IQCH: variants seen among roughly 807,000 people sequenced by gnomAD.
IQCH encodes IQ motif containing H.
In IQCH, 98 loss-of-function variants were observed where a neutral mutation model predicts 117.0. The ratio of observed to expected loss-of-function variants is 0.84; its 90% CI spans 0.71 to 0.99. The LOEUF is 0.99. Ranked by LOEUF, IQCH falls within the 50% of genes least tolerant of loss-of-function variation. The pLI is 0.00. For synonymous variants in IQCH, 412 were observed against 448.2 expected, an observed-to-expected ratio of 0.92 and a Z score of 1.02; for missense variants, 1,102 against 1,243.8, an observed-to-expected ratio of 0.89 and a Z score of 1.72.
chr15:67,279,253 G>A, intron 3 of IQCH, 142 bp from the exon 4 acceptor site: 2 of 567,538 alleles, frequency 3.5e-6, no homozygotes, highest in South Asian at 4.5e-5. Flanking sequence ...AAATAATAAA[G>A]ATTGGTTTAA....
intron 16 of IQCH, among the ~76,000 whole-genome samples, chr15:67,440,263 A>T (rs2082238414): frequency 6.6e-6 from 1 of 152,258 alleles, no homozygotes; most frequent in Non-Finnish European, 1.5e-5. Flanking sequence ...GACCAGACGT[A>T]TTCACAGCAG....
At chr15:67,434,871 G>A (rs2082098820) in intron 16 of IQCH, among the ~76,000 whole-genome samples, 1 of 149,476 alleles carries the variant, frequency 6.7e-6, no homozygotes, top group Non-Finnish European at 1.5e-5. Context: ...TCTGCCTCTA[G>A]GGTTTAGCGA....
chr15:67,322,052 G>A (rs551219148), intron 4 of IQCH, among the ~76,000 whole-genome samples: 32 of 152,124 alleles, frequency 2.1e-4, no homozygotes, highest in African/African-American at 7.2e-4. Flanking sequence ...CTGAGAAGAG[G>A]CTTTTAAAAT....
rs894298509 is a variant in IQCH at position 67,445,597 on chromosome 15, C to G, written c.2506-19530C>G. ...GGGGTTGCAGGTGTGTGCCACCACACCAGGCTAATTTTTATATTTTTAGTA... is the reference window on the plus strand; with the variant it reads ...GGGGTTGCAGGTGTGTGCCACCACAGCAGGCTAATTTTTATATTTTTAGTA... On this transcript the variant is annotated intron_variant, in intron 16 of 20. Coordinates refer to ENST00000335894, the MANE Select transcript of IQCH (RefSeq NM_001031715.3). This position sits in a 1 kb window ranked among gnomAD's most constrained non-coding sequence, Gnocchi z 4.3. Among the ~76,000 whole-genome samples the G allele has an allele frequency of 6.6e-6, 1 of 152,096 alleles. No individual in the cohort carries two copies. Among genetic ancestry groups the G allele is most frequent in the Non-Finnish European group, 1.5e-5 (1 of 68,022 alleles).
intron 16 of IQCH, among the ~76,000 whole-genome samples, chr15:67,452,525 T>G (rs919522143): frequency 6.6e-6 from 1 of 152,254 alleles, no homozygotes; most frequent in African/African-American, 2.4e-5. Flanking sequence ...TTGAAAATTC[T>G]TTTCTTTAAG....
At chr15:67,343,213 A>G (rs549710543) in intron 5 of IQCH, among the ~76,000 whole-genome samples, 7 of 152,298 alleles carry the variant, frequency 4.6e-5, no homozygotes, top group African/African-American at 1.7e-4. Flanking sequence ...CACAGTTTGT[A>G]TTCTAGGATT....
rs1660106212 is a variant in IQCH at position 67,407,260 on chromosome 15, A to G, written c.2097+6955A>G. The G allele has an allele frequency of 6.6e-6, 1 of 152,254 alleles. No individual in the cohort carries two copies. Among genetic ancestry groups the G allele is most frequent in the Non-Finnish European group, 1.5e-5 (1 of 68,048 alleles). The allele number at this position is 152,254 out of a possible 1,614,324, so 9.4% of individuals were successfully genotyped here. ...GTTGAATAAAGAGGCTTGACAAAGT[A>G]GAGATTATTCTGACCGGAAGATTGC... On this transcript the variant is annotated intron_variant, in intron 14 of 20. Transcript: ENST00000335894. The surrounding 1 kb of genome is among the most constrained non-coding windows in gnomAD (Gnocchi z 5.3).
chr15:67,287,204 A>G (rs1452057610), intron 4 of IQCH, among the ~76,000 whole-genome samples: 1 of 152,174 alleles, frequency 6.6e-6, no homozygotes, highest in African/African-American at 2.4e-5. Flanking sequence ...ATTAATATTC[A>G]TCAGGGATAT....
Position 67,445,629 on chromosome 15 carries a change from G to C in IQCH, c.2506-19498G>C, listed in dbSNP as rs182087985. On this transcript the variant is annotated intron_variant, in intron 16 of 20. Coordinates refer to ENST00000335894, the MANE Select transcript of IQCH (RefSeq NM_001031715.3). This position sits in a 1 kb window ranked among gnomAD's most constrained non-coding sequence, Gnocchi z 4.3. Reference sequence around the variant, plus strand: ...AATTTTTATATTTTTAGTAGAGACAGGGTTTCACCATGTTGGCCAGGCTGG... The same window carrying C: ...AATTTTTATATTTTTAGTAGAGACACGGTTTCACCATGTTGGCCAGGCTGG... Among the ~76,000 whole-genome samples the C allele has an allele frequency of 2.0e-5, 3 of 152,260 alleles. No homozygotes were observed. Among genetic ancestry groups the C allele is most frequent in the Admixed American group, 2.0e-4 (3 of 15,290 alleles).
chr15:67,316,036 C>T lies in IQCH; in HGVS notation c.388-20939C>T, dbSNP rs868756600. 2.6e-5 allele frequency among the ~76,000 whole-genome samples: 4 copies of T among 152,218 alleles called. No homozygotes were observed. In the South Asian group the frequency reaches 8.3e-4, roughly 32 times the overall value. On this transcript the variant is annotated intron_variant, in intron 4 of 20. Coordinates refer to ENST00000335894, the MANE Select transcript of IQCH (RefSeq NM_001031715.3). The stretch of plus-strand genomic sequence containing the variant: ...TTTTAGAGAAAAATAATTCTCCTTT[C>T]TCCTTGTGTAGCTGGTGAGAGGCCC...
rs996951793 is a variant in IQCH, at chr15:67,417,064, G to A, written c.2218+13G>A. ...TTTCTCAGTCAAGGTAAATAAGACT[G>A]TAAAGTTTCTATTGAGGATTAGTCT... On this transcript the variant is annotated intron_variant, in intron 15 of 20. Transcript: ENST00000335894. This position sits in a 1 kb window ranked among gnomAD's most constrained non-coding sequence, Gnocchi z 4.3. The A allele has an allele frequency of 1.3e-6, 2 of 1,592,252 alleles. No individual in the cohort carries two copies. Among genetic ancestry groups the A allele is most frequent in the Non-Finnish European group, 1.7e-6 (2 of 1,171,118 alleles).
chr15:67,440,035 A>G (rs2082230250), intron 16 of IQCH, among the ~76,000 whole-genome samples: 1 of 152,194 alleles, frequency 6.6e-6, no homozygotes, highest in Admixed American at 6.5e-5. Context: ...GAAACAGGAG[A>G]TATTACAACT....
intron 4 of IQCH, among the ~76,000 whole-genome samples, chr15:67,303,611 G>C (rs1437408945): frequency 2.0e-5 from 3 of 151,992 alleles, no homozygotes; most frequent in Non-Finnish European, 2.9e-5. Context: ...CTTCCATAGA[G>C]GTGAAGTGAC....
chr15:67,315,225 A>G (rs1271341211), intron 4 of IQCH, among the ~76,000 whole-genome samples: 3 of 152,164 alleles, frequency 2.0e-5, no homozygotes, highest in Admixed American at 2.0e-4. Context: ...TCCTTATTAG[A>G]AAGCTACACA....
chr15:67,416,943 G>C lies in IQCH; in HGVS notation c.2110G>C (p.Val704Leu). 1.3e-6 allele frequency: 2 copies of C among 1,598,778 alleles called. No individual in the cohort carries two copies. Among genetic ancestry groups the C allele is most frequent in the South Asian group, 2.3e-5 (2 of 88,016 alleles). ...RKKWAQEPALVKISEELAGIL... is the reference protein window; with the variant it reads ...RKKWAQEPALLKISEELAGIL... ...TTTGTTTCTGCAGGAGCCAGCTTTG[G>C]TGAAGATCTCTGAGGAGCTGGCGGG... Residue 704 changes from valine to leucine, a missense_variant, in exon 15 of 21, where the codon GTG becomes CTG. Coordinates refer to ENST00000335894, the MANE Select transcript of IQCH (RefSeq NM_001031715.3). This position sits in a 1 kb window ranked among gnomAD's most constrained non-coding sequence, Gnocchi z 5.1.
At position 67,494,216 on chromosome 15, in the gene IQCH, G is replaced by T. The variant is rs1300290050; in HGVS notation, c.2862-42G>T. 3 of 1,424,468 alleles carry T rather than the reference G, an allele frequency of 2.1e-6. No individual in the cohort carries two copies. In the Admixed American group the frequency reaches 6.1e-5, roughly 29 times the overall value. The allele number at this position is 1,424,468 out of a possible 1,614,324, so 88.2% of individuals were successfully genotyped here. On this transcript the variant is annotated intron_variant, in intron 19 of 20. Coordinates refer to ENST00000335894, the MANE Select transcript of IQCH (RefSeq NM_001031715.3). This position sits in a 1 kb window ranked among gnomAD's most constrained non-coding sequence, Gnocchi z 5.5. ...GGGCGATTGTTTTTAAGCATGTGAA[G>T]GGAATCGTTGGTAAACTCATTTGTT... is the stretch of plus-strand genomic sequence containing the variant.
At chr15:67,281,845 A>G in intron 4 of IQCH, 1 of 445,118 alleles carries the variant, frequency 2.2e-6, no homozygotes, top group Non-Finnish European at 4.5e-6. Context: ...GATAAACAAA[A>G]CCACCACAGT....
intron 16 of IQCH, among the ~76,000 whole-genome samples, chr15:67,464,573 G>T (rs1050775965): frequency 3.9e-5 from 6 of 152,192 alleles, no homozygotes; most frequent in Non-Finnish European, 5.9e-5. Context: ...GGTAAAATAA[G>T]ATTACCCTTC....
At position 67,385,045 on chromosome 15, in the gene IQCH, G is replaced by T; in HGVS notation, c.1456+26G>T. 2 of 1,371,536 alleles carry T rather than the reference G, an allele frequency of 1.5e-6. No homozygotes were observed. The highest frequency in any genetic ancestry group is 2.4e-5 in the South Asian group (2 of 85,018). 85.0% of individuals were successfully genotyped at this position (1,371,536 alleles called of 1,614,324 possible). On this transcript the variant is annotated intron_variant, in intron 11 of 20. Coordinates refer to ENST00000335894, the MANE Select transcript of IQCH (RefSeq NM_001031715.3). This position sits in a 1 kb window ranked among gnomAD's most constrained non-coding sequence, Gnocchi z 4.6. The stretch of plus-strand genomic sequence containing the variant: ...GTACAGTAAATAGTTTTACACAAAT[G>T]ACTCTTTGGAATGTTTATCAGTGGA...
Sources: allele counts gnomAD v4.1 joint callset (sites outside exome capture counted in the v4.1 genomes callset), GRCh38; gene constraint gnomAD v4.1.1; non-coding constraint Gnocchi (gnomAD v3.1); transcripts MANE v1.5; gene names NCBI Gene and HGNC (gene_info 2026-07-23, HGNC 2026-07-21).